The following MIR2052HG variants were observed in gnomAD, a reference collection of about 807,000 sequenced individuals.
The protein encoded by MIR2052HG is MIR2052 host gene.
chr8:74,650,291 A>G (rs1808738254), intron 2 of MIR2052HG, among the ~76,000 whole-genome samples: 1 of 152,118 alleles, frequency 6.6e-6, no homozygotes. Context: ...TACAGTATGT[A>G]GTCTTTTGTG....
intron 4 of MIR2052HG, among the ~76,000 whole-genome samples, chr8:74,718,758 T>C (rs1193935576): frequency 3.3e-5 from 5 of 152,164 alleles, no homozygotes; most frequent in Non-Finnish European, 7.3e-5. Context: ...GTCAACTTCT[T>C]GTTGTATCCT....
intron 4 of MIR2052HG, among the ~76,000 whole-genome samples, chr8:74,713,991 AAG>A (rs1809496232): frequency 6.6e-6 from 1 of 152,150 alleles, no homozygotes; most frequent in African/African-American, 2.4e-5. Context: ...ATGAAATCCT[AAG>A]AGAGTCTCCT....
intron 2 of MIR2052HG, among the ~76,000 whole-genome samples, chr8:74,680,150 C>T (rs1809106921): frequency 6.6e-6 from 1 of 151,916 alleles, no homozygotes; most frequent in South Asian, 2.1e-4. Flanking sequence ...TACATTTTAC[C>T]AGAGTCTATT....
chr8:74,668,180 T>C (rs1808951931), intron 2 of MIR2052HG, among the ~76,000 whole-genome samples: 1 of 151,780 alleles, frequency 6.6e-6, no homozygotes, highest in Non-Finnish European at 1.5e-5. Flanking sequence ...GACACATTGC[T>C]TTTGCCAGAG....
rs76600026 is a variant in MIR2052HG, at chr8:74,605,761, A to T, written n.128+5853A>T. On this transcript the variant is annotated intron_variant and non_coding_transcript_variant, in intron 1 of 6. Coordinates refer to ENST00000523442, the Ensembl canonical transcript of MIR2052HG. Reference sequence around the variant, plus strand: ...TTTGAATGAATCACAAACTAGAAATAAAAAACTAAAGAACTGGAAATGATA... The same window carrying T: ...TTTGAATGAATCACAAACTAGAAATTAAAAACTAAAGAACTGGAAATGATA... Among the ~76,000 whole-genome samples the T allele has an allele frequency of 7.8e-3, 1,179 of 151,700 alleles. 42 individuals carry two copies. The East Asian group carries it at 0.091, about 12-fold the overall frequency.
chr8:74,648,226 G>C (rs1003743030), intron 2 of MIR2052HG, among the ~76,000 whole-genome samples: 1 of 152,062 alleles, frequency 6.6e-6, no homozygotes, highest in African/African-American at 2.4e-5. Flanking sequence ...ATGCATTCCT[G>C]GGGGGAGGTC....
chr8:74,629,305 G>T (rs978145380), intron 2 of MIR2052HG, among the ~76,000 whole-genome samples: 1 of 151,962 alleles, frequency 6.6e-6, no homozygotes, highest in Non-Finnish European at 1.5e-5. Context: ...AATATTTATT[G>T]AAGCCAAACG....
chr8:74,731,432 A>T (rs937204138), intron 4 of MIR2052HG, among the ~76,000 whole-genome samples: 2 of 152,148 alleles, frequency 1.3e-5, no homozygotes, highest in African/African-American at 4.8e-5. Flanking sequence ...ATTATTACCT[A>T]GGAACTTGTG....
chr8:74,650,251 C>T (rs4735664), intron 2 of MIR2052HG, among the ~76,000 whole-genome samples: 12,777 of 152,058 alleles, frequency 0.084, 796 homozygotes, highest in African/African-American at 0.16. Context: ...TGTTGTTTGC[C>T]TTTTCTGGAA....
chr8:74,639,319 A>C (rs1286828687), intron 2 of MIR2052HG, among the ~76,000 whole-genome samples: 1 of 152,226 alleles, frequency 6.6e-6, no homozygotes, highest in African/African-American at 2.4e-5. Context: ...TCCTCCATTC[A>C]GAGACACATT....
chr8:74,619,590 G>A (rs937942470), intron 2 of MIR2052HG, among the ~76,000 whole-genome samples: 1 of 152,160 alleles, frequency 6.6e-6, no homozygotes, highest in Non-Finnish European at 1.5e-5. Context: ...TTCACAGGGT[G>A]GCAGGATGGA....
intron 1 of MIR2052HG, among the ~76,000 whole-genome samples, chr8:74,610,227 A>G (rs1808174519): frequency 1.3e-5 from 2 of 152,014 alleles, no homozygotes; most frequent in African/African-American, 4.8e-5. Flanking sequence ...GTGTTTGTAT[A>G]TTCTTGGAAT....
chr8:74,696,274 A>G (rs1242073361), intron 2 of MIR2052HG, among the ~76,000 whole-genome samples: 1 of 152,140 alleles, frequency 6.6e-6, no homozygotes, highest in Non-Finnish European at 1.5e-5. Context: ...TTTGAACTGA[A>G]CGATAATAGT....
At chr8:74,644,558 GT>G (rs888501208) in intron 2 of MIR2052HG, among the ~76,000 whole-genome samples, 5 of 151,432 alleles carry the variant, frequency 3.3e-5, no homozygotes, top group African/African-American at 1.2e-4. Context: ...ATTGTAGTGA[GT>G]TTTTTTTTCC....
At chr8:74,753,622 G>A (rs1465240141) in intron 5 of MIR2052HG, among the ~76,000 whole-genome samples, 1 of 152,050 alleles carries the variant, frequency 6.6e-6, no homozygotes, top group Non-Finnish European at 1.5e-5. Flanking sequence ...CTGTACCCAA[G>A]CTATTTTTTG....
chr8:74,669,884 A>G (rs1808971952), intron 2 of MIR2052HG, among the ~76,000 whole-genome samples: 1 of 152,168 alleles, frequency 6.6e-6, no homozygotes, highest in Admixed American at 6.6e-5. Context: ...TGGCTAAATT[A>G]TGTCCCCACA....
intron 4 of MIR2052HG, among the ~76,000 whole-genome samples, chr8:74,727,846 T>A (rs531786238): frequency 2.6e-5 from 4 of 152,122 alleles, no homozygotes; most frequent in Admixed American, 1.3e-4. Flanking sequence ...GGCTTTTCTA[T>A]GTGGTTTTAT....
chr8:74,616,311 G>A (rs1808281323), intron 2 of MIR2052HG, among the ~76,000 whole-genome samples: 1 of 150,984 alleles, frequency 6.6e-6, no homozygotes, highest in African/African-American at 2.4e-5. Flanking sequence ...CATTCTAACT[G>A]GTGTGAGATG....
At chr8:74,640,578 G>C (rs1160431243) in intron 2 of MIR2052HG, among the ~76,000 whole-genome samples, 1 of 151,924 alleles carries the variant, frequency 6.6e-6, no homozygotes, top group East Asian at 1.9e-4. Flanking sequence ...CAGCTTTCTG[G>C]AAGAGGTTAT....
Sources: allele counts gnomAD v4.1 joint callset (sites outside exome capture counted in the v4.1 genomes callset), GRCh38; gene constraint gnomAD v4.1.1; transcripts MANE v1.5; gene names NCBI Gene and HGNC (gene_info 2026-07-23, HGNC 2026-07-21).